The following COMMD1 variants were observed in gnomAD, a reference collection of about 807,000 sequenced individuals.
COMMD1 encodes COMM domain-containing protein 1.
A neutral mutation model predicts 17.2 loss-of-function variants in COMMD1; 10 were observed. The ratio of observed to expected loss-of-function variants is 0.58; its 90% CI spans 0.36 to 0.99. The LOEUF is 0.99. Ranked by LOEUF, COMMD1 falls within the 50% of genes least tolerant of loss-of-function variation. The pLI is 0.01. For missense variants in COMMD1, 270 were observed against 231.8 expected (o/e 1.17, Z -1.07); for synonymous variants, 97 against 91.6 (o/e 1.06, Z -0.34).
chr2:61,982,663 C>T (rs1453464073), intron 1 of COMMD1, among the ~76,000 whole-genome samples: 1 of 152,024 alleles, frequency 6.6e-6, no homozygotes, highest in Non-Finnish European at 1.5e-5. Flanking sequence ...TTCTTTCTAT[C>T]CTGTTTGTTT....
chr2:62,020,895 C>CAGGAGGCTG (rs1410083336), intron 2 of COMMD1, among the ~76,000 whole-genome samples: 1 of 151,824 alleles, frequency 6.6e-6, no homozygotes, highest in Non-Finnish European at 1.5e-5. Flanking sequence ...CCCAGCTACT[C>CAGGAGGCTG]AGGAGGCTGA....
intron 2 of COMMD1, among the ~76,000 whole-genome samples, chr2:62,022,149 T>G (rs1182352896): frequency 6.6e-6 from 1 of 152,128 alleles, no homozygotes; most frequent in African/African-American, 2.4e-5. Flanking sequence ...TGAATGAATT[T>G]TCTTGTTTCA....
At chr2:62,056,044 C>T (rs1670690320) in intron 2 of COMMD1, among the ~76,000 whole-genome samples, 1 of 152,178 alleles carries the variant, frequency 6.6e-6, no homozygotes, top group African/African-American at 2.4e-5. Context: ...GATTACATAT[C>T]AGGAAAACGG....
chr2:62,008,298 G>C (rs189504574), intron 2 of COMMD1, among the ~76,000 whole-genome samples: 1 of 152,202 alleles, frequency 6.6e-6, no homozygotes, highest in Admixed American at 6.5e-5. Context: ...TGTCATAGGG[G>C]AAGCAGCAAA....
intron 1 of COMMD1, among the ~76,000 whole-genome samples, chr2:61,961,001 G>T (rs75034228): frequency 1.3e-5 from 2 of 152,054 alleles, no homozygotes; most frequent in Non-Finnish European, 2.9e-5. Flanking sequence ...CTCTTCTCCC[G>T]GGGGCTGCCG....
At chr2:61,982,308 A>G (rs371241318) in intron 1 of COMMD1, among the ~76,000 whole-genome samples, 4 of 152,208 alleles carry the variant, frequency 2.6e-5, no homozygotes, top group South Asian at 2.1e-4. Flanking sequence ...CCCTTGGCAT[A>G]TAGAAATACT....
intron 1 of COMMD1, among the ~76,000 whole-genome samples, chr2:61,907,354 C>A (rs140549625): frequency 6.6e-6 from 1 of 152,204 alleles, no homozygotes; most frequent in East Asian, 1.9e-4. Context: ...ATCCGCCTGC[C>A]TCGGCCTCCC....
intron 1 of COMMD1, 87 bp downstream of exon 1, chr2:61,905,945 C>T (rs1156589096): frequency 1.3e-5 from 18 of 1,353,876 alleles, no homozygotes; most frequent in Non-Finnish European, 4.2e-6. Context: ...TTCCCCTGTC[C>T]TCACAAGCCG....
intron 2 of COMMD1, among the ~76,000 whole-genome samples, chr2:62,076,468 C>T (rs150591974): frequency 4.7e-4 from 71 of 152,288 alleles, no homozygotes; most frequent in African/African-American, 1.7e-3. Context: ...AAACAGCGGC[C>T]GTCTGCAGTG....
At chr2:61,927,238 C>T (rs1670350409) in intron 1 of COMMD1, among the ~76,000 whole-genome samples, 1 of 152,192 alleles carries the variant, frequency 6.6e-6, no homozygotes, top group African/African-American at 2.4e-5. Context: ...AGGATTGAAG[C>T]AAAGGAAACC....
chr2:61,919,264 G>A (rs890093681), intron 1 of COMMD1, among the ~76,000 whole-genome samples: 8 of 152,010 alleles, frequency 5.3e-5, no homozygotes, highest in Non-Finnish European at 7.4e-5. Context: ...TGCCCGCCTC[G>A]GCCTCCCAAA....
intron 2 of COMMD1, chr2:62,079,646 T>C (rs1315050236): frequency 6.6e-6 from 1 of 152,198 alleles, no homozygotes; most frequent in Non-Finnish European, 1.5e-5. Flanking sequence ...GGAGAGGTGT[T>C]AGAAGTTTAT....
At chr2:62,039,272 A>G (rs902230509) in intron 2 of COMMD1, among the ~76,000 whole-genome samples, 10 of 152,238 alleles carry the variant, frequency 6.6e-5, no homozygotes, top group Admixed American at 2.0e-4. Context: ...CCTAGCTTGT[A>G]TATTCATTTA....
intron 2 of COMMD1, among the ~76,000 whole-genome samples, chr2:62,124,312 A>G (rs1320067485): frequency 6.6e-6 from 1 of 152,158 alleles, no homozygotes; most frequent in Non-Finnish European, 1.5e-5. Flanking sequence ...AAATAAATAA[A>G]TAAATAAATA....
intron 1 of COMMD1, among the ~76,000 whole-genome samples, chr2:61,926,698 C>G (rs1670337340): frequency 6.6e-6 from 1 of 152,122 alleles, no homozygotes; most frequent in African/African-American, 2.4e-5. Context: ...CCTTTACTTC[C>G]TCTTTTCTCA....
At chr2:61,911,029 G>A (rs1169911569) in intron 1 of COMMD1, among the ~76,000 whole-genome samples, 1 of 151,724 alleles carries the variant, frequency 6.6e-6, no homozygotes, top group Non-Finnish European at 1.5e-5. Flanking sequence ...GTCGTGGTGA[G>A]CCGAGATCGC....
chr2:62,093,549 T>C (rs1005930407), intron 2 of COMMD1, among the ~76,000 whole-genome samples: 2 of 152,200 alleles, frequency 1.3e-5, no homozygotes, highest in Non-Finnish European at 1.5e-5. Flanking sequence ...GAGGGGTAGA[T>C]GCTTACTGAT....
chr2:61,926,317 A>G (rs994830693), intron 1 of COMMD1, among the ~76,000 whole-genome samples: 1 of 152,160 alleles, frequency 6.6e-6, no homozygotes, highest in South Asian at 2.1e-4. Flanking sequence ...TAAATAGTGT[A>G]CAAGTAAGAT....
At chr2:62,079,711 C>T (rs1156417418) in intron 2 of COMMD1, 3 of 152,082 alleles carry the variant, frequency 2.0e-5, no homozygotes, top group African/African-American at 4.8e-5. Flanking sequence ...GGACATAGTA[C>T]GTACTTAGAA....
Sources: allele counts gnomAD v4.1 joint callset (sites outside exome capture counted in the v4.1 genomes callset), GRCh38; gene constraint gnomAD v4.1.1; transcripts MANE v1.5; gene names NCBI Gene and HGNC (gene_info 2026-07-23, HGNC 2026-07-21).